The following PTBP3 variants were observed in gnomAD, a reference collection of about 807,000 sequenced individuals.
PTBP3 encodes polypyrimidine tract-binding protein 3.
PTBP3 carries 20 observed loss-of-function variants against 58.7 expected under a neutral mutation model. The ratio of observed to expected loss-of-function variants is 0.34; its 90% CI spans 0.24 to 0.50. The LOEUF (loss-of-function observed/expected upper bound fraction) is 0.50, where lower values mean the gene tolerates loss of function less well. Among genes scored for constraint, PTBP3 ranks in the 20% least tolerant of loss-of-function variants. The probability of loss-of-function intolerance (pLI) is 0.98; values close to 1 mark genes in which losing one functional copy is unlikely to be tolerated. For synonymous variants in PTBP3, 185 were observed against 219.8 expected (o/e 0.84, Z 1.40); for missense variants, 509 against 637.2 (o/e 0.80, Z 2.17).
chr9:112,240,371 T>C (rs1422764608), intron 7 of PTBP3, among the ~76,000 whole-genome samples: 1 of 152,200 alleles, frequency 6.6e-6, no homozygotes, highest in Non-Finnish European at 1.5e-5. Context: ...GATCCACATA[T>C]ACAATGGTGG....
At chr9:112,279,596 T>A (rs1486714531) in intron 2 of PTBP3, among the ~76,000 whole-genome samples, 1 of 151,966 alleles carries the variant, frequency 6.6e-6, no homozygotes, top group Non-Finnish European at 1.5e-5. Context: ...AATCAAGACA[T>A]CCCAAAAAGT....
At chr9:112,343,155 G>C in the PTBP3 span, among the ~76,000 whole-genome samples, 1 of 152,012 alleles carries the variant, frequency 6.6e-6, no homozygotes, top group Non-Finnish European at 1.5e-5. Context: ...TTACTTGCAC[G>C]CAAAATGTTA....
chr9:112,224,543 G>C (rs1489427296), intron 12 of PTBP3, among the ~76,000 whole-genome samples: 3 of 152,150 alleles, frequency 2.0e-5, no homozygotes, highest in Non-Finnish European at 2.9e-5. Flanking sequence ...ATCAACTGTA[G>C]TACTTCCAAA....
chr9:112,312,870 C>G (rs1023280663), intron 1 of PTBP3, among the ~76,000 whole-genome samples: 9 of 151,638 alleles, frequency 5.9e-5, no homozygotes, highest in African/African-American at 9.7e-5. Context: ...ATGGCGAAAC[C>G]CTGTTTCTAC....
intron 1 of PTBP3, among the ~76,000 whole-genome samples, chr9:112,321,263 G>A (rs1292554674): frequency 2.0e-5 from 3 of 152,132 alleles, no homozygotes; most frequent in Non-Finnish European, 4.4e-5. Context: ...CGGGCATGGT[G>A]GCTCATACCT....
At chr9:112,289,863 A>T (rs997509745) in intron 2 of PTBP3, among the ~76,000 whole-genome samples, 2 of 152,196 alleles carry the variant, frequency 1.3e-5, no homozygotes, top group Non-Finnish European at 2.9e-5. Context: ...AATATTATTA[A>T]CCCATATCAT....
chr9:112,237,674 T>A (rs567917935), intron 7 of PTBP3, among the ~76,000 whole-genome samples: 1 of 152,290 alleles, frequency 6.6e-6, no homozygotes, highest in African/African-American at 2.4e-5. Context: ...TGAGCTTTGG[T>A]TTGATCAGCT....
chr9:112,357,191 C>T, the PTBP3 span, among the ~76,000 whole-genome samples: 1 of 151,902 alleles, frequency 6.6e-6, no homozygotes, highest in African/African-American at 2.4e-5. Context: ...CTCCCTCTAC[C>T]TTTTAATACT....
rs58210600 is a variant in PTBP3, at chr9:112,301,456, GAA to G, written c.-51-3542_-51-3541del. On this transcript the variant is annotated intron_variant, in intron 1 of 13. Transcript: ENST00000374257. Reference sequence around the variant, plus strand: ...GTAGTTTGGTGTTTTCTGAAAAAAAGAAAAAAAAAAACAAACAAAAAAACTAA... The same window carrying G: ...GTAGTTTGGTGTTTTCTGAAAAAAAGAAAAAAAAACAAACAAAAAAACTAA... 8.2e-3 allele frequency among the ~76,000 whole-genome samples: 1,222 copies of G among 148,152 alleles called. 23 individuals are homozygous for G. Among genetic ancestry groups the G allele is most frequent in the African/African-American group, 0.028 (1,132 of 40,572 alleles).
intron 4 of PTBP3, among the ~76,000 whole-genome samples, chr9:112,265,531 A>G (rs1422217046): frequency 2.6e-5 from 4 of 152,166 alleles, no homozygotes; most frequent in African/African-American, 9.7e-5. Flanking sequence ...CCAAAAACAA[A>G]CAAAAAACAA....
In PTBP3 at chr9:112,221,156, C is replaced by T. The variant is rs1338230767; in HGVS notation, c.*2695G>A. 5 of 985,534 alleles carry T rather than the reference C, an allele frequency of 5.1e-6. No homozygotes were observed. The East Asian group carries it at 5.7e-4, about 112-fold the overall frequency. The allele number at this position is 985,534 out of a possible 1,614,324, so 61.0% of individuals were successfully genotyped here. On this transcript the variant is annotated 3_prime_UTR_variant, in exon 14 of 14. Transcript: ENST00000374257. ...CATGCTATTTTAAAACAAGAACATC[C>T]CACATCTCCAAATCTTAATTTGGTT...
intron 2 of PTBP3, among the ~76,000 whole-genome samples, chr9:112,290,687 AATATATAT>A (rs67387323): frequency 7.4e-4 from 63 of 84,960 alleles, no homozygotes; most frequent in African/African-American, 1.7e-3. Flanking sequence ...AAAAAAAAAA[AATATATAT>A]ATATATATAT....
At chr9:112,350,889 C>A in the PTBP3 span, among the ~76,000 whole-genome samples, 1 of 152,162 alleles carries the variant, frequency 6.6e-6, no homozygotes, top group Non-Finnish European at 1.5e-5. Context: ...ACCTCCGCCT[C>A]CTTGGTTCAA....
intron 2 of PTBP3, among the ~76,000 whole-genome samples, chr9:112,286,624 CAT>C (rs143930539): frequency 6.6e-6 from 1 of 152,250 alleles, no homozygotes; most frequent in African/African-American, 2.4e-5. Context: ...TTGCTTTTCT[CAT>C]ATGTCATAAC....
chr9:112,292,628 A>G (rs1828488805), intron 2 of PTBP3, among the ~76,000 whole-genome samples: 1 of 152,214 alleles, frequency 6.6e-6, no homozygotes, highest in Non-Finnish European at 1.5e-5. Context: ...TTGCTGCAAC[A>G]TAAATGAACC....
At chr9:112,261,932 ATTTCT>A (rs1186813137) in intron 5 of PTBP3, among the ~76,000 whole-genome samples, 2 of 152,182 alleles carry the variant, frequency 1.3e-5, no homozygotes, top group Admixed American at 6.5e-5. Flanking sequence ...ACTTGCCATG[ATTTCT>A]TTTATCAAGA....
the PTBP3 span, among the ~76,000 whole-genome samples, chr9:112,358,305 C>T: frequency 6.6e-6 from 1 of 152,054 alleles, no homozygotes; most frequent in Non-Finnish European, 1.5e-5. Context: ...GAGACTCTGT[C>T]TCAAAAAAAC....
At chr9:112,256,667 G>A (rs1212558254) in intron 5 of PTBP3, among the ~76,000 whole-genome samples, 1 of 151,782 alleles carries the variant, frequency 6.6e-6, no homozygotes, top group African/African-American at 2.4e-5. Context: ...AGTACTACAG[G>A]TACATACCAC....
chr9:112,287,497 C>G (rs563378747), intron 2 of PTBP3, among the ~76,000 whole-genome samples: 1 of 151,784 alleles, frequency 6.6e-6, no homozygotes, highest in African/African-American at 2.4e-5. Context: ...CACACCACCA[C>G]GCCCGGCTAA....
Sources: gnomAD v4.1 joint callset for allele counts (sites outside exome capture counted in the v4.1 genomes callset) on GRCh38, gnomAD v4.1.1 for gene constraint, MANE v1.5 for transcripts, NCBI Gene and HGNC (gene_info 2026-07-23, HGNC 2026-07-21) for gene names.